Variants in TPCN2 observed in about 807,000 individuals in gnomAD.
The protein encoded by TPCN2 is two pore channel protein 2.
Under a neutral mutation model 111.4 loss-of-function variants are expected in TPCN2, and 92 were observed. The observed-to-expected ratio is 0.83, with a 90% CI of 0.70 to 0.98. TPCN2 has a LOEUF of 0.98. TPCN2 is among the 50% of genes least tolerant of loss of function. TPCN2 has a pLI of 0.00. For missense variants in TPCN2, 995 were observed against 980.1 expected, an observed-to-expected ratio of 1.02 and a Z score of -0.20; for synonymous variants, 405 against 414.5, an observed-to-expected ratio of 0.98 and a Z score of 0.28.
chr11:69,053,989 A>G (rs1292074384), intron 1 of TPCN2, 44 bp from the exon 2 acceptor site: 5 of 1,556,070 alleles, frequency 3.2e-6, no homozygotes, highest in Admixed American at 1.7e-5. Context: ...GGGTGAGGCC[A>G]TGTCATCCTG....
Position 69,049,040 on chromosome 11 carries a change from GC to G in TPCN2, c.46del (p.Arg16AlafsTer11). ...GGAGTCGGAGCCCCTGCTGGGCGGGGCCCGCGGCGGTGGCGGCGACTGGCCG... is the reference window on the plus strand; with the variant it reads ...GGAGTCGGAGCCCCTGCTGGGCGGGGCCGCGGCGGTGGCGGCGACTGGCCG... ...QAESEPLLGG[A>X]RGGGGDWPAG... On this transcript the variant is annotated frameshift_variant, in exon 1 of 25. Transcript: ENST00000294309. LOFTEE classifies it high-confidence loss of function. 8.1e-7 allele frequency: 1 copy of G among 1,242,062 alleles called. No individual in the cohort carries two copies. The highest frequency in any genetic ancestry group is 1.0e-6 in the Non-Finnish European group (1 of 988,664). 76.9% of individuals were successfully genotyped at this position (1,242,062 alleles called of 1,614,324 possible).
rs763452095 is a variant in TPCN2, at chr11:69,078,999, G to C, written c.1518G>C (p.Gly506=). The C allele has an allele frequency of 5.6e-6, 9 of 1,612,932 alleles. No homozygotes were observed. The highest frequency in any genetic ancestry group is 7.6e-6 in the Non-Finnish European group (9 of 1,179,520). The change falls in exon 16 of 25, where the codon GGG becomes GGC. Residue 506 remains glycine, a synonymous_variant. Coordinates refer to ENST00000294309, the MANE Select transcript of TPCN2 (RefSeq NM_139075.4). ...CCTACCCCAGCAACGTGTTTGACGG[G>C]CTCCTCACCGTTGTCCTGCTGGTAA... The part of the protein sequence containing the change: ...YLSYPSNVFD[G]LLTVVLLVLE...
rs1855933198 is a variant in TPCN2 at position 69,079,858 on chromosome 11, G to A, written c.1564G>A (p.Val522Met). ...LLVLEISTLAVYRLPHPGWRP... is the reference protein window; with the variant it reads ...LLVLEISTLAMYRLPHPGWRP... Reference sequence around the variant, plus strand: ...GGTTTTGGAGATCTCAACTCTGGCTGTGTACCGATTGCCACACCCAGGCTG... The same window carrying A: ...GGTTTTGGAGATCTCAACTCTGGCTATGTACCGATTGCCACACCCAGGCTG... The change falls in exon 17 of 25, where the codon GTG becomes ATG. Residue 522 changes from valine (V) to methionine (M), a missense_variant. Val to Met is a conservative substitution (Grantham distance 21, BLOSUM62 1). Coordinates refer to ENST00000294309, the MANE Select transcript of TPCN2 (RefSeq NM_139075.4). 6.2e-7 allele frequency: 1 copy of A among 1,613,846 alleles called. No individual in the cohort carries two copies. The highest frequency in any genetic ancestry group is 8.5e-7 in the Non-Finnish European group (1 of 1,179,954).
At position 69,078,268 on chromosome 11, in the gene TPCN2, A is replaced by G. The variant is rs544395105; in HGVS notation, c.1231-214A>G. On this transcript the variant is annotated intron_variant, in intron 13 of 24. Coordinates refer to ENST00000294309, the MANE Select transcript of TPCN2 (RefSeq NM_139075.4). ...CTCAGTGGATGTTTCAGTTGCTTCT[A>G]TTTCTCTTTGGGTGTTACAAAGACC... Among the ~76,000 whole-genome samples, 6 of 150,958 alleles carry G rather than the reference A, an allele frequency of 4.0e-5. No homozygotes were observed. In the East Asian group the frequency reaches 5.9e-4, roughly 15 times the overall value.
intron 4 of TPCN2, among the ~76,000 whole-genome samples, chr11:69,056,433 G>C (rs1035970206): frequency 1.3e-5 from 2 of 152,258 alleles, no homozygotes; most frequent in African/African-American, 2.4e-5. Context: ...GCAAGAGGTT[G>C]TCATTAGCGT....
chr11:69,066,454 G>A (rs571460565), intron 7 of TPCN2, among the ~76,000 whole-genome samples: 1 of 152,344 alleles, frequency 6.6e-6, no homozygotes, highest in East Asian at 1.9e-4. Flanking sequence ...TCCCCCAGCA[G>A]ACTGTGGAGT....
At chr11:69,049,234 G>C (rs1287153410) in intron 1 of TPCN2, 128 bp downstream of exon 1, 2 of 542,916 alleles carry the variant, frequency 3.7e-6, no homozygotes, top group Non-Finnish European at 2.8e-6. Flanking sequence ...AGCGGGGCCC[G>C]GGCCGCGCCG....
Position 69,078,889 on chromosome 11 carries a change from C to T in TPCN2, c.1411-3C>T. 1 of 1,614,066 alleles carries T rather than the reference C, an allele frequency of 6.2e-7. No individual in the cohort carries two copies. Among genetic ancestry groups the T allele is most frequent in the Non-Finnish European group, 8.5e-7 (1 of 1,179,984 alleles). ...TGCTGGGTGCCTCTTCTGCCCCTTTCAGATTCTCAACTGCGTCTTCATTGT... is the reference window on the plus strand; with the variant it reads ...TGCTGGGTGCCTCTTCTGCCCCTTTTAGATTCTCAACTGCGTCTTCATTGT... On this transcript the variant is annotated splice_region_variant and splice_polypyrimidine_tract_variant and intron_variant, in intron 15 of 24. Coordinates refer to ENST00000294309, the MANE Select transcript of TPCN2 (RefSeq NM_139075.4).
intron 4 of TPCN2, among the ~76,000 whole-genome samples, chr11:69,056,680 G>A (rs367736470): frequency 2.5e-4 from 37 of 149,182 alleles, no homozygotes; most frequent in African/African-American, 9.0e-4. Flanking sequence ...ATACAGGCGC[G>A]TGCCACCACG....
At chr11:69,080,541 G>A (rs537058005) in intron 17 of TPCN2, among the ~76,000 whole-genome samples, 1 of 152,342 alleles carries the variant, frequency 6.6e-6, no homozygotes, top group East Asian at 1.9e-4. Flanking sequence ...GAGACAGGAA[G>A]GGTGGGGCAC....
chr11:69,057,190 C>G (rs1008207778), intron 4 of TPCN2, among the ~76,000 whole-genome samples: 1 of 152,242 alleles, frequency 6.6e-6, no homozygotes, highest in Non-Finnish European at 1.5e-5. Flanking sequence ...ACAGACCAGA[C>G]CTCACTTCCC....
chr11:69,082,438 C>G (rs1040714906), intron 18 of TPCN2, among the ~76,000 whole-genome samples: 10 of 152,294 alleles, frequency 6.6e-5, no homozygotes, highest in Admixed American at 6.5e-4. Context: ...TACGCACGCC[C>G]GCATCACCGT....
rs1413296302 is a variant in TPCN2 at position 69,088,539 on chromosome 11, C to T, written c.*586C>T. The T allele has an allele frequency of 6.5e-6, 1 of 153,312 alleles. No homozygotes were observed. The highest frequency in any genetic ancestry group is 2.4e-5 in the African/African-American group (1 of 41,444). 9.5% of individuals were successfully genotyped at this position (153,312 alleles called of 1,614,324 possible). On this transcript the variant is annotated 3_prime_UTR_variant, in exon 25 of 25. Coordinates refer to ENST00000294309, the MANE Select transcript of TPCN2 (RefSeq NM_139075.4). ...TTCTTCACTTCAGCACAGTTCTAGT[C>T]CTGCTTCTCTGGAGTAGGGTTGTTG...
chr11:69,077,134 C>T (rs1590741133), intron 13 of TPCN2, among the ~76,000 whole-genome samples: 1 of 144,742 alleles, frequency 6.9e-6, no homozygotes, highest in Non-Finnish European at 1.5e-5. Context: ...CCATGTCCCT[C>T]CACCTGCCCT....
At chr11:69,062,555 AC>A (rs150472626) in intron 5 of TPCN2, among the ~76,000 whole-genome samples, 3,965 of 152,168 alleles carry the variant, frequency 0.026, 384 homozygotes, top group East Asian at 0.21. Flanking sequence ...GCATGGGGCC[AC>A]CACCCTTCCA....
chr11:69,055,055 C>T lies in TPCN2; in HGVS notation c.252-120C>T, dbSNP rs956466723. 3.2e-5 allele frequency: 35 copies of T among 1,104,440 alleles called. No individual in the cohort carries two copies. The Middle Eastern group carries it at 6.2e-4, about 20-fold the overall frequency. 68.4% of individuals were successfully genotyped at this position (1,104,440 alleles called of 1,614,324 possible). Reference sequence around the variant, plus strand: ...AGCAGATTCGTGATCTCCCCAGTCACGAGTGTCCACGCTCAGGCAGCGCCA... The same window carrying T: ...AGCAGATTCGTGATCTCCCCAGTCATGAGTGTCCACGCTCAGGCAGCGCCA... On this transcript the variant is annotated intron_variant, in intron 3 of 24. Transcript: ENST00000294309.
chr11:69,073,086 T>A (rs1406961578), intron 13 of TPCN2, 85 bp downstream of exon 13: 1 of 999,184 alleles, frequency 1.0e-6, no homozygotes, highest in African/African-American at 1.6e-5. Flanking sequence ...ACTCTTCTAA[T>A]GATCAGTGCT....
At chr11:69,070,821 G>A (rs1367075622) in intron 9 of TPCN2, among the ~76,000 whole-genome samples, 1 of 142,762 alleles carries the variant, frequency 7.0e-6, no homozygotes, top group Non-Finnish European at 1.5e-5. Flanking sequence ...TCACCCCAGG[G>A]ATCTCCCACC....
intron 4 of TPCN2, 65 bp from the exon 5 acceptor site, chr11:69,057,513 C>T: frequency 6.8e-7 from 1 of 1,470,096 alleles, no homozygotes; most frequent in Non-Finnish European, 9.5e-7. Flanking sequence ...TGCGCACCGT[C>T]ATTCTCTGGC....
Sources: gnomAD v4.1 joint callset for allele counts (sites outside exome capture counted in the v4.1 genomes callset) on GRCh38, gnomAD v4.1.1 for gene constraint, MANE v1.5 for transcripts, NCBI Gene and HGNC (gene_info 2026-07-23, HGNC 2026-07-21) for gene names.